Variants in EVL observed in about 807,000 individuals in gnomAD.
EVL encodes the protein Enah/Vasp-like, also known as ena/VASP-like protein.
A neutral mutation model predicts 59.6 loss-of-function variants in EVL; 21 were observed. That is an observed-to-expected ratio of 0.35 (90% CI 0.25 to 0.51). The LOEUF (loss-of-function observed/expected upper bound fraction) is 0.51. EVL is among the 20% of genes least tolerant of loss of function. The pLI is 0.97. For missense variants in EVL, 462 were observed against 546.6 expected, an observed-to-expected ratio of 0.85 and a Z score of 1.54; for synonymous variants, 198 against 203.5, an observed-to-expected ratio of 0.97 and a Z score of 0.23.
upstream of EVL, chr14:100,065,295 C>T (rs1359538711): frequency 8.4e-6 from 3 of 355,592 alleles, no homozygotes; most frequent in Non-Finnish European, 1.4e-5. Context: ...CTTCTTGTTT[C>T]TCTATTTTCT....
chr14:100,107,318 A>T (rs1762962553), intron 3 of EVL: 1 of 398,540 alleles, frequency 2.5e-6, no homozygotes, highest in Non-Finnish European at 4.4e-6. Context: ...AGTGAATTTT[A>T]AAGAAAATCC....
chr14:99,977,632 C>A (rs1670807823), intron 1 of EVL, among the ~76,000 whole-genome samples: 1 of 152,080 alleles, frequency 6.6e-6, no homozygotes, highest in Non-Finnish European at 1.5e-5. Context: ...GACGGGGTTT[C>A]CCTGTGTTGG....
chr14:100,125,624 T>TGGCTAACTGCAACCTC (rs1888026139), intron 4 of EVL, among the ~76,000 whole-genome samples: 2 of 151,912 alleles, frequency 1.3e-5, no homozygotes, highest in African/African-American at 2.4e-5. Flanking sequence ...GACGCAATCT[T>TGGCTAACTGCAACCTC]GGCTAACTGC....
At chr14:100,057,637 A>G (rs2061755066) in intron 1 of EVL, among the ~76,000 whole-genome samples, 1 of 152,180 alleles carries the variant, frequency 6.6e-6, no homozygotes, top group Non-Finnish European at 1.5e-5. Flanking sequence ...ACTGGAAAGG[A>G]AAAGGCAACT....
At chr14:100,126,576 A>G in intron 4 of EVL, 131 bp from the exon 5 acceptor site, 2 of 884,864 alleles carry the variant, frequency 2.3e-6, no homozygotes, top group Non-Finnish European at 1.8e-6. Context: ...CAGCCGTGGC[A>G]CACAGTGGCG....
chr14:100,006,257 GC>G (rs1330923147), intron 1 of EVL, among the ~76,000 whole-genome samples: 3 of 148,384 alleles, frequency 2.0e-5, no homozygotes, highest in African/African-American at 7.4e-5. Context: ...ATGGTAAGGA[GC>G]AAATAAAACC....
At chr14:100,025,101 C>T (rs1422560794) in intron 1 of EVL, among the ~76,000 whole-genome samples, 2 of 152,174 alleles carry the variant, frequency 1.3e-5, no homozygotes, top group African/African-American at 4.8e-5. Flanking sequence ...GTTCTCTAGT[C>T]TCAATTTTTC....
chr14:100,087,368 CT>C (rs1304401254), intron 2 of EVL, among the ~76,000 whole-genome samples: 1 of 152,202 alleles, frequency 6.6e-6, no homozygotes. Context: ...AATCCCAACA[CT>C]TTGGGAGGCC....
At position 100,129,695 on chromosome 14, in the gene EVL, A is replaced by G; in HGVS notation, c.839+11A>G. 6.4e-7 allele frequency: 1 copy of G among 1,551,068 alleles called. No individual in the cohort carries two copies. Among genetic ancestry groups the G allele is most frequent in the Non-Finnish European group, 8.7e-7 (1 of 1,145,706 alleles). On this transcript the variant is annotated intron_variant, in intron 7 of 13. Transcript: ENST00000392920. ...ACTGCTGGCCAAGAGGTGGGTCTCT[A>G]CACCTCCCGAGACTTGGTGTGCCTA...
At chr14:100,091,159 C>G (rs994358573) in intron 2 of EVL, among the ~76,000 whole-genome samples, 2 of 152,206 alleles carry the variant, frequency 1.3e-5, no homozygotes, top group Non-Finnish European at 2.9e-5. Context: ...ACAAGAGTCT[C>G]TCTCTGCCTT....
At chr14:99,987,447 G>A (rs1179237153) in intron 1 of EVL, among the ~76,000 whole-genome samples, 3 of 152,166 alleles carry the variant, frequency 2.0e-5, no homozygotes, top group Admixed American at 2.0e-4. Flanking sequence ...TTTGAGACCA[G>A]CCTGGCCAAC....
chr14:99,972,999 TCTATAGTATTCTGTTGTAAGAATATA>T lies in EVL; in HGVS notation c.5+944_5+969del, dbSNP rs1391940036. Among the ~76,000 whole-genome samples the T allele has an allele frequency of 6.6e-6, 1 of 152,224 alleles. No homozygotes were observed. The highest frequency in any genetic ancestry group is 1.5e-5 in the Non-Finnish European group (1 of 68,038). On this transcript the variant is annotated intron_variant, in intron 1 of 13. Transcript: ENST00000402714. The surrounding 1 kb of genome is among the most constrained non-coding windows in gnomAD (Gnocchi z 4.4). ...ATCGTTATTTGTTCATTTTTATTGG[TCTATAGTATTCTGTTGTAAGAATATA>T]CCACAGTGTACGCATTCTACTGTTA...
Position 100,129,600 on chromosome 14 carries a change from C to T in EVL, c.755C>T (p.Thr252Ile). ...TCTGGAGGCTCCAGTCCCAGTGGGA[C>T]CTCAAAGTCCGATGCCAACCGGGCA... ...DASGGSSPSG[T>I]SKSDANRASS... The change falls in exon 7 of 14, where the codon ACC (threonine) becomes ATC (isoleucine). Residue 252 changes from threonine (T) to isoleucine (I), a missense_variant. Transcript: ENST00000392920. 6.2e-7 allele frequency: 1 copy of T among 1,613,702 alleles called. No individual in the cohort carries two copies. The highest frequency in any genetic ancestry group is 1.1e-5 in the South Asian group (1 of 91,034).
At chr14:100,091,288 C>T (rs1304580005) in intron 2 of EVL, among the ~76,000 whole-genome samples, 1 of 152,172 alleles carries the variant, frequency 6.6e-6, no homozygotes, top group Non-Finnish European at 1.5e-5. Flanking sequence ...ATTGTGGGTG[C>T]TAAGACCCTC....
At chr14:100,007,801 CAGACAG>C (rs1255498213) in intron 1 of EVL, among the ~76,000 whole-genome samples, 1 of 151,736 alleles carries the variant, frequency 6.6e-6, no homozygotes, top group African/African-American at 2.4e-5. Flanking sequence ...GAGGGAGAGA[CAGACAG>C]AGACAGAGAG....
At chr14:100,059,099 C>A (rs2061779699) in intron 1 of EVL, among the ~76,000 whole-genome samples, 1 of 152,118 alleles carries the variant, frequency 6.6e-6, no homozygotes, top group Non-Finnish European at 1.5e-5. Context: ...CTGGCCATGG[C>A]AGAATAATGG....
rs866072515 is a variant in EVL, at chr14:99,984,498, T to C, written c.5+12441T>C. 7.9e-5 allele frequency among the ~76,000 whole-genome samples: 12 copies of C among 152,334 alleles called. 1 individual carries two copies. The South Asian group carries it at 8.3e-4, about 11-fold the overall frequency. On this transcript the variant is annotated intron_variant, in intron 1 of 13. Transcript: ENST00000402714. ...TAGACTTTGTATTTTAGAACAGTTT[T>C]AGATTTATAGAAAAATTGAGAAGGT...
intron 2 of EVL, among the ~76,000 whole-genome samples, chr14:100,087,950 T>C (rs1221885832): frequency 6.6e-6 from 1 of 152,134 alleles, no homozygotes; most frequent in African/African-American, 2.4e-5. Flanking sequence ...TTGAAGAAGA[T>C]AGAAACTGAA....
At chr14:100,010,120 G>T (rs563354118) in intron 1 of EVL, among the ~76,000 whole-genome samples, 3 of 152,306 alleles carry the variant, frequency 2.0e-5, no homozygotes, top group East Asian at 3.9e-4. Flanking sequence ...AAAAGAGGGG[G>T]TTCTCTATAG....
Sources: gnomAD v4.1 joint callset for allele counts (sites outside exome capture counted in the v4.1 genomes callset) on GRCh38, gnomAD v4.1.1 for gene constraint, Gnocchi (gnomAD v3.1) non-coding constraint, MANE v1.5 for transcripts, NCBI Gene and HGNC (gene_info 2026-07-23, HGNC 2026-07-21) for gene names.